The following TECR variants were observed in gnomAD, a reference collection of about 807,000 sequenced individuals.
The protein encoded by TECR is very-long-chain enoyl-CoA reductase.
A neutral mutation model predicts 50.6 loss-of-function variants in TECR; 19 were observed. The ratio of observed to expected loss-of-function variants is 0.38; its 90% CI spans 0.26 to 0.55. The LOEUF (loss-of-function observed/expected upper bound fraction) is 0.55, where lower values mean the gene tolerates loss of function less well. Among genes scored for constraint, TECR ranks in the 20% least tolerant of loss-of-function variants. The pLI, the probability that TECR is intolerant of heterozygous loss-of-function variation, is 0.79. For synonymous variants in TECR, 168 were observed against 163.5 expected (o/e 1.03, Z -0.21); for missense variants, 313 against 408.3 (o/e 0.77, Z 2.01).
At chr19:14,529,758 T>G (rs767563738) in intron 1 of TECR, 47 bp downstream of exon 1, 29 of 1,613,482 alleles carry the variant, frequency 1.8e-5, no homozygotes, top group Non-Finnish European at 2.4e-5. Flanking sequence ...TGACCCATTC[T>G]TTTTCCTTCT....
rs865878315 is a variant in TECR at position 14,543,985 on chromosome 19, G to A, written c.15+14274G>A. ...ACTCCTGACCTCAAATGATCCTCCCGCCTCAGCCTCCCAAAGTGCTAGGAT... is the reference window on the plus strand; with the variant it reads ...ACTCCTGACCTCAAATGATCCTCCCACCTCAGCCTCCCAAAGTGCTAGGAT... On this transcript the variant is annotated intron_variant, in intron 1 of 12. Coordinates refer to ENST00000215567, the MANE Select transcript of TECR (RefSeq NM_138501.6). 7.2e-5 allele frequency among the ~76,000 whole-genome samples: 11 copies of A among 151,938 alleles called. No individual in the cohort carries two copies. In the Middle Eastern group the frequency reaches 0.01, roughly 141 times the overall value.
intron 1 of TECR, chr19:14,530,432 A>T (rs140614119): frequency 2.6e-5 from 4 of 152,166 alleles, no homozygotes; most frequent in African/African-American, 9.7e-5. Flanking sequence ...AATTCAACCA[A>T]TTATCCCTGA....
chr19:14,536,347 G>T (rs1428271748), intron 1 of TECR, among the ~76,000 whole-genome samples: 1 of 149,874 alleles, frequency 6.7e-6, no homozygotes, highest in Non-Finnish European at 1.5e-5. Context: ...TAGGCTCACT[G>T]CAACCTCTGC....
At chr19:14,535,230 G>A (rs1217864398) in intron 1 of TECR, among the ~76,000 whole-genome samples, 7 of 151,570 alleles carry the variant, frequency 4.6e-5, no homozygotes, top group African/African-American at 9.7e-5. Context: ...AAAATTGGCC[G>A]GGTGCAGTGG....
At position 14,565,182 on chromosome 19, in the gene TECR, C is replaced by T. The variant is rs536060606; in HGVS notation, c.665-20C>T. Reference sequence around the variant, plus strand: ...GCTGGGTGAGGGGGTCTGACTTTCTCCTTCTGTCCTGCCTGCCAGGGTCCA... The same window carrying T: ...GCTGGGTGAGGGGGTCTGACTTTCTTCTTCTGTCCTGCCTGCCAGGGTCCA... On this transcript the variant is annotated intron_variant, in intron 10 of 12. Coordinates refer to ENST00000215567, the MANE Select transcript of TECR (RefSeq NM_138501.6). 4 of 1,613,916 alleles carry T rather than the reference C, an allele frequency of 2.5e-6. No homozygotes were observed. The highest frequency in any genetic ancestry group is 1.7e-5 in the Admixed American group (1 of 60,024).
chr19:14,534,292 T>G (rs980874386), intron 1 of TECR, among the ~76,000 whole-genome samples: 3 of 127,532 alleles, frequency 2.4e-5, no homozygotes, highest in Admixed American at 2.3e-4. Context: ...GCCTGGCTAA[T>G]TTTTTGTATT....
At chr19:14,547,963 CTTTTT>C (rs1043298294) in intron 1 of TECR, among the ~76,000 whole-genome samples, 1 of 125,672 alleles carries the variant, frequency 8.0e-6, no homozygotes. Flanking sequence ...ATGGGCATTT[CTTTTT>C]TTTTTTTTTT....
intron 1 of TECR, among the ~76,000 whole-genome samples, chr19:14,535,543 AAT>A (rs747348455): frequency 0.013 from 412 of 32,654 alleles, 4 homozygotes; most frequent in African/African-American, 0.02. Context: ...AAAAAAAAAA[AAT>A]ATATATATAT....
chr19:14,549,542 G>A (rs2073422949), intron 1 of TECR, among the ~76,000 whole-genome samples: 1 of 152,002 alleles, frequency 6.6e-6, no homozygotes, highest in South Asian at 2.1e-4. Flanking sequence ...GCCCAGCCTG[G>A]CCTCAAACTC....
chr19:14,564,725 G>A, intron 7 of TECR, 61 bp from the exon 8 acceptor site: 1 of 1,523,702 alleles, frequency 6.6e-7, no homozygotes, highest in Non-Finnish European at 9.1e-7. Flanking sequence ...GATGAGACAT[G>A]GGCAGCATCT....
upstream of TECR, among the ~76,000 whole-genome samples, chr19:14,528,813 G>A (rs1169706149): frequency 1.3e-4 from 20 of 152,116 alleles, no homozygotes; most frequent in Admixed American, 1.2e-3. Context: ...GCGTGGTGGC[G>A]GGTGCCTGTA....
chr19:14,530,659 G>A (rs1875266832), intron 1 of TECR: 1 of 152,124 alleles, frequency 6.6e-6, no homozygotes. Context: ...ACAGATAGGG[G>A]AACTCAGGAC....
chr19:14,546,273 T>A (rs1431156679), intron 1 of TECR, among the ~76,000 whole-genome samples: 1 of 150,162 alleles, frequency 6.7e-6, no homozygotes, highest in African/African-American at 2.4e-5. Context: ...GATTTGGGAT[T>A]TTTTTTTTTG....
At chr19:14,542,588 C>T (rs1409433152) in intron 1 of TECR, among the ~76,000 whole-genome samples, 1 of 145,884 alleles carries the variant, frequency 6.9e-6, no homozygotes, top group Non-Finnish European at 1.5e-5. Flanking sequence ...TCTCGAACTC[C>T]TGACCTCAGG....
intron 1 of TECR, among the ~76,000 whole-genome samples, chr19:14,536,179 G>T (rs146852418): frequency 1.3e-5 from 2 of 152,220 alleles, no homozygotes; most frequent in Non-Finnish European, 2.9e-5. Context: ...CAATGCTTAC[G>T]GGCTTTGGAT....
chr19:14,529,864 T>C, intron 1 of TECR, 153 bp downstream of exon 1: 1 of 1,048,976 alleles, frequency 9.5e-7, no homozygotes, highest in South Asian at 1.3e-5. Context: ...CCCGGGCCAC[T>C]CGTAAATTCC....
At chr19:14,562,416 G>C in intron 1 of TECR, 109 bp from the exon 2 acceptor site, 2 of 1,198,414 alleles carry the variant, frequency 1.7e-6, no homozygotes, top group South Asian at 1.2e-5. Context: ...ACTTGAGCTT[G>C]TTGGCCCGGG....
chr19:14,564,612 C>T, intron 7 of TECR, 174 bp from the exon 8 acceptor site: 3 of 664,996 alleles, frequency 4.5e-6, no homozygotes, highest in Non-Finnish European at 7.9e-6. Context: ...ACCACGCCCT[C>T]ACAGAGCCCT....
At chr19:14,552,835 C>T (rs951706800) in intron 1 of TECR, among the ~76,000 whole-genome samples, 1 of 152,082 alleles carries the variant, frequency 6.6e-6, no homozygotes, top group Non-Finnish European at 1.5e-5. Flanking sequence ...TGCGCCCGGC[C>T]CAGTCTTTTT....
Sources: allele counts gnomAD v4.1 joint callset (sites outside exome capture counted in the v4.1 genomes callset), GRCh38; gene constraint gnomAD v4.1.1; transcripts MANE v1.5; gene names NCBI Gene and HGNC (gene_info 2026-07-23, HGNC 2026-07-21).